Variants in ULK2 observed in about 807,000 individuals in gnomAD.
ULK2 encodes serine/threonine-protein kinase ULK2.
A neutral mutation model predicts 127.5 loss-of-function variants in ULK2; 76 were observed. That is an observed-to-expected ratio of 0.60 (90% confidence interval 0.50 to 0.72). ULK2 has a LOEUF of 0.72. Among genes scored for constraint, ULK2 ranks in the 30% least tolerant of loss-of-function variants. ULK2 has a pLI of 0.00. For synonymous variants in ULK2, 452 were observed against 461.9 expected (o/e 0.98, Z 0.28); for missense variants, 1,144 against 1,295.9 (o/e 0.88, Z 1.80).
At chr17:19,819,132 G>T (rs1383748848) in intron 12 of ULK2, among the ~76,000 whole-genome samples, 2 of 152,130 alleles carry the variant, frequency 1.3e-5, no homozygotes, top group African/African-American at 4.8e-5. Flanking sequence ...ACTCAAATGT[G>T]TCACATCCTA....
At chr17:19,825,993 A>ATAATAAATAAAT (rs1555560335) in intron 11 of ULK2, 146 bp downstream of exon 11, 1,194 of 116,782 alleles carry the variant, frequency 0.01, 19 homozygotes, top group Non-Finnish European at 0.012. Flanking sequence ...TCTCAAAAAA[A>ATAATAAATAAAT]AAAAAAAAAA....
At chr17:19,810,341 A>T in intron 14 of ULK2, 37 bp downstream of exon 14, 1 of 1,385,254 alleles carries the variant, frequency 7.2e-7, no homozygotes, top group Non-Finnish European at 1.0e-6. Flanking sequence ...AATAAAATAT[A>T]AAACAAATTT....
chr17:19,851,326 CAAAAAAAAAAAAA>C lies in ULK2; in HGVS notation c.226-1565_226-1553del, dbSNP rs554643908. 6.8e-4 allele frequency among the ~76,000 whole-genome samples: 28 copies of C among 41,054 alleles called. 1 individual carries two copies. The highest frequency in any genetic ancestry group is 2.4e-3 in the African/African-American group (26 of 10,734). The allele number at this position is 41,054 out of a possible 152,430, so 26.9% of individuals were successfully genotyped here. On this transcript the variant is annotated intron_variant, in intron 3 of 26. Coordinates refer to ENST00000395544, the MANE Select transcript of ULK2 (RefSeq NM_014683.4). ...TGGGCAACAGAGTGAGACTTCCCCT[CAAAAAAAAAAAAA>C]AAAAAAAAAAAAATTAGGCTGGGCA...
chr17:19,864,815 G>T lies in ULK2; in HGVS notation c.213C>A (p.Leu71=). The change falls in exon 3 of 27, where the codon CTC becomes CTA. Residue 71 remains leucine (L), a synonymous_variant. Coordinates refer to ENST00000395544, the MANE Select transcript of ULK2 (RefSeq NM_014683.4). ...KELQHENIVA[L]YDVQELPNSV... Reference sequence around the variant, plus strand: ...CAAAATAAGGTACCTGAACATCATAGAGTGCTACAATATTTTCATGCTGAA... The same window carrying T: ...CAAAATAAGGTACCTGAACATCATATAGTGCTACAATATTTTCATGCTGAA... The T allele has an allele frequency of 1.5e-6, 2 of 1,322,836 alleles. No homozygotes were observed. The highest frequency in any genetic ancestry group is 1.0e-6 in the Non-Finnish European group (1 of 1,003,860). 81.9% of individuals were successfully genotyped at this position (1,322,836 alleles called of 1,614,324 possible).
intron 18 of ULK2, among the ~76,000 whole-genome samples, chr17:19,797,029 C>T (rs1567683272): frequency 2.0e-5 from 3 of 152,340 alleles, no homozygotes; most frequent in African/African-American, 7.2e-5. Flanking sequence ...AGCAGTGGCT[C>T]ATACCTGTAA....
rs761045130 is a variant in ULK2 at position 19,816,762 on chromosome 17, C to A, written c.1083G>T (p.Ser361=). The change falls in exon 13 of 27, where the codon TCG becomes TCT. Residue 361 remains serine, a synonymous_variant. Transcript: ENST00000395544. The part of the protein sequence containing the change: ...DDFVLVPHNI[S]SDHSCDMPVG... ...AAAGATTCTCACATGAGTGGTCTGA[C>A]GAGATGTTGTGTGGCACCAAAACAA... The A allele has an allele frequency of 2.3e-5, 36 of 1,598,622 alleles. No individual in the cohort carries two copies. Among genetic ancestry groups the A allele is most frequent in the Non-Finnish European group, 2.5e-5 (29 of 1,175,178 alleles).
In ULK2 at chr17:19,796,196, C is replaced by T. The variant is rs369185674; in HGVS notation, c.1896G>A (p.Gln632=). The change falls in exon 19 of 27, where the codon CAG becomes CAA. Residue 632 remains glutamine, a synonymous_variant. Transcript: ENST00000395544. The part of the protein sequence containing the change: ...LVTRHGPAEE[Q]SKDGNEPREC... ...CCCGTGGCTCATTCCCATCTTTCGACTGTTCTTCAGCAGGCCCATGACGAG... is the reference window on the plus strand; with the variant it reads ...CCCGTGGCTCATTCCCATCTTTCGATTGTTCTTCAGCAGGCCCATGACGAG... 6 of 1,614,048 alleles carry T rather than the reference C, an allele frequency of 3.7e-6. No individual in the cohort carries two copies. The African/African-American group carries it at 5.3e-5, about 14-fold the overall frequency.
At chr17:19,862,091 CTTTTTCT>C (rs1263735882) in intron 3 of ULK2, among the ~76,000 whole-genome samples, 1 of 151,484 alleles carries the variant, frequency 6.6e-6, no homozygotes, top group Non-Finnish European at 1.5e-5. Flanking sequence ...CTTAAACATC[CTTTTTCT>C]TTTTTTTTTC....
At chr17:19,791,742 C>T (rs1219822591) in intron 20 of ULK2, among the ~76,000 whole-genome samples, 1 of 149,946 alleles carries the variant, frequency 6.7e-6, no homozygotes, top group Non-Finnish European at 1.5e-5. Flanking sequence ...CCTGTAATCC[C>T]AGCAACGAGG....
intron 20 of ULK2, among the ~76,000 whole-genome samples, chr17:19,789,953 T>C (rs1465809251): frequency 1.4e-5 from 2 of 145,774 alleles, no homozygotes; most frequent in African/African-American, 5.0e-5. Flanking sequence ...TGGCCTTAAG[T>C]AGAAAAGACT....
rs576227408 is a variant in ULK2, at chr17:19,785,423, C to T, written c.2251+514G>A. On this transcript the variant is annotated intron_variant, in intron 21 of 26. Transcript: ENST00000395544. Reference sequence around the variant, plus strand: ...AGACAGGTTTTCACCATGTTGGCCACGCTGGTCTCGAGTTCCTGGCCTCAA... The same window carrying T: ...AGACAGGTTTTCACCATGTTGGCCATGCTGGTCTCGAGTTCCTGGCCTCAA... Among the ~76,000 whole-genome samples, 12 of 151,882 alleles carry T rather than the reference C, an allele frequency of 7.9e-5. No individual in the cohort carries two copies. The South Asian group carries it at 1.3e-3, about 16-fold the overall frequency.
rs780411795 is a variant in ULK2 at position 19,801,908 on chromosome 17, C to T, written c.1310G>A (p.Arg437Gln). 1.7e-5 allele frequency: 27 copies of T among 1,606,438 alleles called. 1 individual carries two copies. Among genetic ancestry groups the T allele is most frequent in the East Asian group, 2.2e-5 (1 of 44,846 alleles). The change falls in exon 16 of 27, where the codon CGA becomes CAA. Residue 437 changes from arginine to glutamine, a missense_variant. By Grantham distance (43) the Arg-to-Gln change is conservative. Coordinates refer to ENST00000395544, the MANE Select transcript of ULK2 (RefSeq NM_014683.4). ...GCCCATGGGGCTGGTGTTGGACCTT[C>T]GTACCACTGCAGATCTGAAAAGTAA... ...VHGSPRSAVV[R>Q]RSNTSPMGFL...
intron 10 of ULK2, among the ~76,000 whole-genome samples, chr17:19,833,195 G>A (rs1211616964): frequency 6.7e-6 from 1 of 148,706 alleles, no homozygotes; most frequent in Non-Finnish European, 1.5e-5. Flanking sequence ...CAAATCTAAA[G>A]TTGCTATCTG....
rs1293889326 is a variant in ULK2, at chr17:19,801,834, T to C, written c.1384A>G (p.Thr462Ala). The change falls in exon 16 of 27, where the codon ACA (threonine) becomes GCA (alanine). Residue 462 changes from threonine (T) to alanine (A), a missense_variant. Around this residue, in one of 2 missense-constraint regions of ULK2, gnomAD observed 913 missense variants for 970.5 expected, o/e 0.94. Coordinates refer to ENST00000395544, the MANE Select transcript of ULK2 (RefSeq NM_014683.4). Reference protein sequence around the residue: ...CSPVPADTAQTVGRRLSTGSS... With the variant: ...CSPVPADTAQAVGRRLSTGSS... Reference sequence around the variant, plus strand: ...CCAGTGGAGAGCCTTCGTCCAACTGTCTGTGCTGTGTCTGCTGGTACTGGG... The same window carrying C: ...CCAGTGGAGAGCCTTCGTCCAACTGCCTGTGCTGTGTCTGCTGGTACTGGG... 2.5e-6 allele frequency: 4 copies of C among 1,614,074 alleles called. No individual in the cohort carries two copies. Among genetic ancestry groups the C allele is most frequent in the Admixed American group, 1.7e-5 (1 of 60,004 alleles).
At chr17:19,823,944 C>T (rs974783059) in intron 12 of ULK2, among the ~76,000 whole-genome samples, 4 of 152,124 alleles carry the variant, frequency 2.6e-5, no homozygotes, top group African/African-American at 4.8e-5. Context: ...CCACCCCTTG[C>T]GTTATATACT....
At chr17:19,800,207 C>T (rs2087368057) in intron 16 of ULK2, among the ~76,000 whole-genome samples, 1 of 152,200 alleles carries the variant, frequency 6.6e-6, no homozygotes, top group Non-Finnish European at 1.5e-5. Flanking sequence ...TCCCTGCTTC[C>T]TCCTGCTCCT....
intron 3 of ULK2, among the ~76,000 whole-genome samples, chr17:19,851,159 C>CAA (rs758540102): frequency 1.9e-5 from 2 of 104,948 alleles, no homozygotes; most frequent in Non-Finnish European, 2.1e-5. Context: ...ATAAAAATAC[C>CAA]AAAAAAAAAA....
At chr17:19,808,501 T>C (rs925418717) in intron 14 of ULK2, among the ~76,000 whole-genome samples, 9 of 152,106 alleles carry the variant, frequency 5.9e-5, no homozygotes, top group African/African-American at 9.6e-5. Flanking sequence ...ACCAAGAGAA[T>C]GGGAAGAAAT....
At chr17:19,797,169 T>C (rs2087289155) in intron 18 of ULK2, among the ~76,000 whole-genome samples, 1 of 152,094 alleles carries the variant, frequency 6.6e-6, no homozygotes, top group Non-Finnish European at 1.5e-5. Context: ...TGGTGGCACA[T>C]GCCTGTAATC....
Sources: allele counts gnomAD v4.1 joint callset (sites outside exome capture counted in the v4.1 genomes callset), GRCh38; gene constraint gnomAD v4.1.1; regional missense constraint gnomAD v4.1.1; transcripts MANE v1.5; gene names NCBI Gene and HGNC (gene_info 2026-07-23, HGNC 2026-07-21).